Variants in PHEX observed in about 807,000 individuals in gnomAD.
PHEX encodes phosphate regulating endopeptidase X-linked, also known as phosphate-regulating neutral endopeptidase PHEX.
A neutral mutation model predicts 68.0 loss-of-function variants in PHEX; 16 were observed. The ratio of observed to expected loss-of-function variants is 0.24; its 90% confidence interval spans 0.16 to 0.36. The LOEUF is 0.36. Ranked by LOEUF, PHEX falls within the 10% of genes least tolerant of loss-of-function variation. PHEX has a pLI of 1.00. For missense variants in PHEX, 480 were observed against 575.5 expected, an observed-to-expected ratio of 0.83 and a Z score of 1.70; for synonymous variants, 208 against 205.1, an observed-to-expected ratio of 1.01 and a Z score of -0.12.
Position 22,177,160 on chromosome X carries a change from C to T in PHEX, c.1483-1113C>T, listed in dbSNP as rs970872784. Among the ~76,000 whole-genome samples the T allele has an allele frequency of 2.1e-4, 23 of 111,583 alleles. 2 individuals carry two copies. In the Admixed American group the frequency reaches 2.2e-3, roughly 11 times the overall value. The stretch of plus-strand genomic sequence containing the variant: ...TGTTAGGGAGGAGCTAAATGTGAGC[C>T]AGACATTGGTCAACAAGTAGGTGAC... On this transcript the variant is annotated intron_variant, in intron 13 of 21. Coordinates refer to ENST00000379374, the MANE Select transcript of PHEX (RefSeq NM_000444.6).
chrX:22,186,285 CA>C (rs1310780179), intron 14 of PHEX, among the ~76,000 whole-genome samples: 1 of 111,670 alleles, frequency 9.0e-6, no homozygotes, highest in Non-Finnish European at 1.9e-5. Flanking sequence ...TTGTATGCAT[CA>C]GGGGGAAGTT....
At chrX:22,083,410 A>G (rs1220465574) in intron 5 of PHEX, among the ~76,000 whole-genome samples, 1 of 111,826 alleles carries the variant, frequency 8.9e-6, no homozygotes, top group Non-Finnish European at 1.9e-5. Context: ...AGGAATGTCA[A>G]TGGTATTTTG....
At chrX:22,105,165 G>A (rs371784438) in intron 9 of PHEX, among the ~76,000 whole-genome samples, 1 of 112,037 alleles carries the variant, frequency 8.9e-6, no homozygotes, top group African/African-American at 3.2e-5. Context: ...TGTCAGAAAT[G>A]CAGACTCTCG....
chrX:22,195,195 T>C (rs1424657048), intron 15 of PHEX, among the ~76,000 whole-genome samples: 1 of 112,055 alleles, frequency 8.9e-6, no homozygotes, highest in African/African-American at 3.2e-5. Context: ...AGGGCTTGTA[T>C]ATCTAAACCT....
chrX:22,210,325 G>T (rs147896286), intron 15 of PHEX, among the ~76,000 whole-genome samples: 1 of 112,036 alleles, frequency 8.9e-6, no homozygotes, highest in Non-Finnish European at 1.9e-5. Flanking sequence ...GGCTTCTAAC[G>T]GCAAAAGTGA....
At position 22,249,471 on chromosome X, in the gene PHEX, T is replaced by A. The variant is rs1297699491; in HGVS notation, c.*1518T>A. 37 of 83,787 alleles carry A rather than the reference T, an allele frequency of 4.4e-4. No individual in the cohort carries two copies. The highest frequency in any genetic ancestry group is 4.2e-4 in the Non-Finnish European group (19 of 45,746). 6.9% of individuals were successfully genotyped at this position (83,787 alleles called of 1,213,427 possible). On this transcript the variant is annotated 3_prime_UTR_variant, in exon 22 of 22. Coordinates refer to ENST00000379374, the MANE Select transcript of PHEX (RefSeq NM_000444.6). ...AAAAAAAAAAATATATATATATATA[T>A]ATATATATATATATATGTATATCTA...
At chrX:22,190,945 T>TA (rs1334032432) in intron 15 of PHEX, among the ~76,000 whole-genome samples, 1 of 111,956 alleles carries the variant, frequency 8.9e-6, no homozygotes, top group Non-Finnish European at 1.9e-5. Context: ...GCTAGGAAGT[T>TA]ATGTCTTGAG....
intron 12 of PHEX, among the ~76,000 whole-genome samples, chrX:22,150,828 A>G (rs150404979): frequency 0.017 from 1,966 of 112,626 alleles, 53 homozygotes; most frequent in African/African-American, 0.061. Flanking sequence ...GTTTACAAAC[A>G]GCCCCAATTG....
In PHEX at chrX:22,249,455, A is replaced by AAATATATATATATATATATAT; in HGVS notation, c.*1503_*1504insATATATATATATATATATATA. 2.8e-4 allele frequency: 11 copies of AAATATATATATATATATATAT among 39,750 alleles called. No homozygotes were observed. Among genetic ancestry groups the AAATATATATATATATATATAT allele is most frequent in the African/African-American group, 1.7e-3 (10 of 6,013 alleles). The allele number at this position is 39,750 out of a possible 1,213,427, so 3.3% of individuals were successfully genotyped here. On this transcript the variant is annotated 3_prime_UTR_variant, in exon 22 of 22. Transcript: ENST00000379374. ...TTGTGATTCTTTTAAAAAAAAAAAAAATATATATATATATATATATATATA... is the reference window on the plus strand; with the variant it reads ...TTGTGATTCTTTTAAAAAAAAAAAAAAATATATATATATATATATATATATATATATATATATATATATATA...
At chrX:22,092,270 GAC>G (rs1196265908) in intron 6 of PHEX, among the ~76,000 whole-genome samples, 1 of 111,867 alleles carries the variant, frequency 8.9e-6, no homozygotes, top group Non-Finnish European at 1.9e-5. Context: ...TTGGGAACCA[GAC>G]ACAGCATTAT....
intron 13 of PHEX, chrX:22,172,913 A>G (rs1292098216): frequency 2.7e-5 from 3 of 111,189 alleles, no homozygotes; most frequent in East Asian, 5.6e-4. Flanking sequence ...TGATACACAC[A>G]TATATAGACA....
intron 12 of PHEX, among the ~76,000 whole-genome samples, chrX:22,161,124 A>C (rs1184672350): frequency 9.3e-6 from 1 of 107,191 alleles, no homozygotes; most frequent in Non-Finnish European, 1.9e-5. Flanking sequence ...TGACAGAGCG[A>C]GGCTCCACCT....
At position 22,251,103 on chromosome X, in the gene PHEX, A is replaced by G. The variant is rs144125698; in HGVS notation, c.*3150A>G. 982 of 112,495 alleles carry G rather than the reference A, an allele frequency of 8.7e-3. 8 individuals are homozygous for G. The highest frequency in any genetic ancestry group is 0.03 in the African/African-American group (918 of 31,024). The allele number at this position is 112,495 out of a possible 1,213,427, so 9.3% of individuals were successfully genotyped here. ...ACATTTAACATAACGCCTCAGTTGC[A>G]TATTACATTATGGAAGAATATACGA... On this transcript the variant is annotated 3_prime_UTR_variant, in exon 22 of 22. Transcript: ENST00000379374.
chrX:22,101,661 G>T (rs1156728851), intron 9 of PHEX, among the ~76,000 whole-genome samples: 1 of 111,397 alleles, frequency 9.0e-6, no homozygotes, highest in Admixed American at 9.6e-5. Context: ...AAACAGAGAG[G>T]GTGGAGGATT....
At chrX:22,082,721 C>T (rs1330364129) in intron 5 of PHEX, among the ~76,000 whole-genome samples, 6 of 111,893 alleles carry the variant, frequency 5.4e-5, no homozygotes, top group Admixed American at 1.9e-4. Flanking sequence ...AATTAAGTCC[C>T]GTTTGTCATT....
chrX:22,160,005 A>C (rs7883553), intron 12 of PHEX, among the ~76,000 whole-genome samples: 1,173 of 112,373 alleles, frequency 0.01, 17 homozygotes, highest in African/African-American at 0.036. Flanking sequence ...AAATGCAGTT[A>C]AGTAATCGAT....
intron 20 of PHEX, among the ~76,000 whole-genome samples, chrX:22,233,820 G>GTCAAAA (rs1023186565): frequency 9.0e-5 from 10 of 111,543 alleles, no homozygotes; most frequent in Non-Finnish European, 1.7e-4. Flanking sequence ...CTGTCAATTC[G>GTCAAAA]TCAAAATCAT....
At chrX:22,197,323 C>T (rs1216697559) in intron 15 of PHEX, among the ~76,000 whole-genome samples, 3 of 111,573 alleles carry the variant, frequency 2.7e-5, no homozygotes, top group Admixed American at 9.6e-5. Flanking sequence ...CCCTGCCACA[C>T]TGAGTAAGGC....
intron 12 of PHEX, among the ~76,000 whole-genome samples, chrX:22,145,074 C>T (rs1265954792): frequency 1.8e-5 from 2 of 112,143 alleles, no homozygotes; most frequent in South Asian, 3.7e-4. Context: ...CTTCCTGTTG[C>T]ATCTATCAAG....
Sources: gnomAD v4.1 joint callset for allele counts (sites outside exome capture counted in the v4.1 genomes callset) on GRCh38, gnomAD v4.1.1 for gene constraint, MANE v1.5 for transcripts, NCBI Gene and HGNC (gene_info 2026-07-23, HGNC 2026-07-21) for gene names.